The following ICA1 variants were observed in gnomAD, a reference collection of about 807,000 sequenced individuals.
The protein encoded by ICA1 is islet cell autoantigen 1.
ICA1 carries 40 observed loss-of-function variants against 71.0 expected under a neutral mutation model. The observed-to-expected ratio is 0.56, with a 90% confidence interval of 0.44 to 0.73. ICA1 has a LOEUF of 0.73. Ranked by LOEUF, ICA1 falls within the 30% of genes least tolerant of loss-of-function variation. ICA1 has a pLI of 0.00. For missense variants in ICA1, 578 were observed against 576.5 expected, an observed-to-expected ratio of 1.00 and a Z score of -0.03; for synonymous variants, 207 against 209.5, an observed-to-expected ratio of 0.99 and a Z score of 0.10.
chr7:8,218,450 C>T lies in ICA1; in HGVS notation c.434G>A (p.Arg145Gln), dbSNP rs141168942. Residue 145 changes from arginine (R) to glutamine (Q), a missense_variant, in exon 6 of 14, where the codon CGG becomes CAG. Arg to Gln is a conservative substitution (Grantham distance 43). Coordinates refer to ENST00000402384, the MANE Select transcript of ICA1 (RefSeq NM_001136020.3). ...CCAAGTATCTGAGATGGCCCGATGC[C>T]GAAAAGTCTCCACTTCTTGGTGAAA... The part of the protein sequence containing the change: ...CRFHQEVETF[R>Q]HRAISDTWLT... The T allele has an allele frequency of 1.2e-4, 194 of 1,613,998 alleles. No homozygotes were observed. Among genetic ancestry groups the T allele is most frequent in the Non-Finnish European group, 1.6e-4 (185 of 1,179,960 alleles).
chr7:8,254,050 C>G (rs575497091), intron 1 of ICA1, among the ~76,000 whole-genome samples: 3 of 152,132 alleles, frequency 2.0e-5, no homozygotes, highest in African/African-American at 7.2e-5. Flanking sequence ...TGTTATGACT[C>G]CACAGAACCT....
At chr7:8,251,200 A>G (rs991237591) in intron 1 of ICA1, among the ~76,000 whole-genome samples, 3 of 152,136 alleles carry the variant, frequency 2.0e-5, no homozygotes, top group African/African-American at 7.2e-5. Context: ...ATATTTTTAA[A>G]TGATTGTTTT....
chr7:8,206,191 G>C (rs1791484086), intron 6 of ICA1, among the ~76,000 whole-genome samples: 1 of 152,154 alleles, frequency 6.6e-6, no homozygotes, highest in African/African-American at 2.4e-5. Flanking sequence ...GAACAGTGGA[G>C]GCTTTTAAAA....
intron 13 of ICA1, among the ~76,000 whole-genome samples, chr7:8,121,001 C>T (rs1392655592): frequency 6.6e-6 from 1 of 152,200 alleles, no homozygotes; most frequent in Non-Finnish European, 1.5e-5. Context: ...ACCCACAGTT[C>T]CCCCTCAGGC....
chr7:8,185,510 T>A (rs1311937471), intron 6 of ICA1, among the ~76,000 whole-genome samples: 1 of 152,228 alleles, frequency 6.6e-6, no homozygotes, highest in African/African-American at 2.4e-5. Flanking sequence ...AATGTAATTC[T>A]TGGGCCCTAA....
chr7:8,151,187 T>C (rs557823364), intron 8 of ICA1, among the ~76,000 whole-genome samples: 1 of 152,332 alleles, frequency 6.6e-6, no homozygotes, highest in South Asian at 2.1e-4. Context: ...CCAGACAACC[T>C]ACCCACACAA....
At chr7:8,254,492 G>A (rs1350324714) in intron 1 of ICA1, among the ~76,000 whole-genome samples, 1 of 148,910 alleles carries the variant, frequency 6.7e-6, no homozygotes, top group Non-Finnish European at 1.5e-5. Flanking sequence ...CACCACACTT[G>A]CGTCTGCTGG....
intron 8 of ICA1, 118 bp downstream of exon 8, chr7:8,156,998 C>T (rs781582721): frequency 8.8e-6 from 14 of 1,592,354 alleles, no homozygotes; most frequent in Non-Finnish European, 1.2e-5. Flanking sequence ...GGGCACAGTT[C>T]TCTCTTCAGC....
intron 6 of ICA1, among the ~76,000 whole-genome samples, chr7:8,201,278 G>T (rs1789573795): frequency 6.6e-6 from 1 of 152,162 alleles, no homozygotes; most frequent in African/African-American, 2.4e-5. Flanking sequence ...CAATAAACTT[G>T]AAACTCGGGC....
intron 13 of ICA1, among the ~76,000 whole-genome samples, chr7:8,121,727 G>T (rs750721912): frequency 1.3e-5 from 2 of 152,092 alleles, no homozygotes; most frequent in Non-Finnish European, 2.9e-5. Flanking sequence ...ATAATTTACA[G>T]TACATTTAAA....
At chr7:8,254,351 G>C (rs913782734) in intron 1 of ICA1, among the ~76,000 whole-genome samples, 1 of 151,722 alleles carries the variant, frequency 6.6e-6, no homozygotes, top group Admixed American at 6.6e-5. Flanking sequence ...GTTTGGGCTG[G>C]CTTAGGAGCA....
chr7:8,253,669 A>T (rs1216548270), intron 1 of ICA1, among the ~76,000 whole-genome samples: 1 of 152,126 alleles, frequency 6.6e-6, no homozygotes, highest in Non-Finnish European at 1.5e-5. Context: ...ATATAAAGAG[A>T]GAAACCTGGC....
intron 6 of ICA1, among the ~76,000 whole-genome samples, chr7:8,192,659 T>C (rs944876905): frequency 6.6e-5 from 10 of 151,480 alleles, no homozygotes; most frequent in African/African-American, 1.9e-4. Context: ...GAATCAATTA[T>C]GTTTATGATG....
intron 8 of ICA1, among the ~76,000 whole-genome samples, chr7:8,152,946 T>TCCACCATCACCACCA (rs1562706703): frequency 7.3e-6 from 1 of 136,998 alleles, no homozygotes; most frequent in African/African-American, 2.9e-5. Context: ...CATCACCTCT[T>TCCACCATCACCACCA]CCACCACTAC....
intron 6 of ICA1, among the ~76,000 whole-genome samples, chr7:8,198,663 T>C (rs929300846): frequency 1.2e-4 from 18 of 152,136 alleles, no homozygotes; most frequent in African/African-American, 3.9e-4. Context: ...CTGGAAAATA[T>C]TTGGAAGGTC....
chr7:8,146,364 T>C (rs934623228), intron 8 of ICA1, among the ~76,000 whole-genome samples: 1 of 152,160 alleles, frequency 6.6e-6, no homozygotes, highest in Non-Finnish European at 1.5e-5. Context: ...TAGCTTGGTT[T>C]GTCTGAGGAA....
intron 1 of ICA1, among the ~76,000 whole-genome samples, chr7:8,239,623 G>A (rs556219026): frequency 7.0e-4 from 107 of 152,264 alleles, no homozygotes; most frequent in African/African-American, 2.3e-3. Flanking sequence ...GCAAGGGGTC[G>A]GGGGATTTCC....
intron 6 of ICA1, among the ~76,000 whole-genome samples, chr7:8,201,796 T>C (rs1054511817): frequency 1.3e-5 from 2 of 152,090 alleles, no homozygotes; most frequent in Non-Finnish European, 2.9e-5. Context: ...CAAATGGAAG[T>C]CCAAGGTAAT....
chr7:8,124,232 T>C (rs1349928834), intron 13 of ICA1, among the ~76,000 whole-genome samples: 2 of 149,746 alleles, frequency 1.3e-5, no homozygotes, highest in Admixed American at 6.7e-5. Context: ...GCCATTCTCC[T>C]GCCTCAGCCT....
Sources: allele counts gnomAD v4.1 joint callset (sites outside exome capture counted in the v4.1 genomes callset), GRCh38; gene constraint gnomAD v4.1.1; transcripts MANE v1.5; gene names NCBI Gene and HGNC (gene_info 2026-07-23, HGNC 2026-07-21).